Variants in BBS4 observed in about 807,000 individuals in gnomAD.
BBS4 encodes the protein BBSome complex member BBS4.
Under a neutral mutation model 71.4 loss-of-function variants are expected in BBS4, and 58 were observed. That is an observed-to-expected ratio of 0.81 (90% CI 0.66 to 1.01). The LOEUF is 1.01. Among genes scored for constraint, BBS4 ranks in the 50% least tolerant of loss-of-function variants. The pLI, the probability that BBS4 is intolerant of heterozygous loss-of-function variation, is 0.00. For synonymous variants in BBS4, 228 were observed against 216.8 expected, an observed-to-expected ratio of 1.05 and a Z score of -0.46; for missense variants, 660 against 607.9, an observed-to-expected ratio of 1.09 and a Z score of -0.90.
intron 3 of BBS4, among the ~76,000 whole-genome samples, chr15:72,710,407 G>A (rs1378423431): frequency 2.6e-5 from 4 of 151,836 alleles, no homozygotes; most frequent in Non-Finnish European, 5.9e-5. Flanking sequence ...TCACCATATT[G>A]GCCAGGCTGG....
At chr15:72,737,063 A>T (rs1174093069) in intron 15 of BBS4, 100 bp downstream of exon 15, 21 of 1,390,792 alleles carry the variant, frequency 1.5e-5, no homozygotes, top group Non-Finnish European at 1.8e-5. Flanking sequence ...TCAGACTCAT[A>T]TGTCCAACGT....
At chr15:72,722,657 TA>T (rs1231533282) in intron 6 of BBS4, 136 bp from the exon 7 acceptor site, 5 of 735,560 alleles carry the variant, frequency 6.8e-6, no homozygotes, top group Non-Finnish European at 1.2e-5. Context: ...TGAACTCTAA[TA>T]AAAAGCTGAC....
chr15:72,736,792 G>A lies in BBS4; in HGVS notation c.1279G>A (p.Ala427Thr), dbSNP rs1392894435. ...MVEMAQKLGA[A>T]LQVGEALVWT... is the part of the protein sequence containing the mutation. ...GGAGATGGCTCAGAAGTTGGGAGCT[G>A]CTCTCCAGGTTGGGGAGGCACTGGT... Residue 427 changes from alanine to threonine, a missense_variant, in exon 15 of 16, where the codon GCT (alanine) becomes ACT (threonine). By Grantham distance (58) the Ala-to-Thr change is moderately conservative (BLOSUM62 0). Coordinates refer to ENST00000268057, the MANE Select transcript of BBS4 (RefSeq NM_033028.5). 6.2e-7 allele frequency: 1 copy of A among 1,614,192 alleles called. No individual in the cohort carries two copies. Among genetic ancestry groups the A allele is most frequent in the East Asian group, 2.2e-5 (1 of 44,878 alleles).
chr15:72,738,031 A>G lies in BBS4; in HGVS notation c.*444A>G, dbSNP rs772565216. 4.4e-6 allele frequency: 2 copies of G among 454,224 alleles called. No homozygotes were observed. The highest frequency in any genetic ancestry group is 2.3e-5 in the Admixed American group (1 of 42,586). The allele number at this position is 454,224 out of a possible 1,614,324, so 28.1% of individuals were successfully genotyped here. ...AGGTGATCCTCAGGTTGTGAGGTTT[A>G]TTAGTCCCCAAGGCAAACACAAATA... On this transcript the variant is annotated 3_prime_UTR_variant, in exon 16 of 16. Coordinates refer to ENST00000268057, the MANE Select transcript of BBS4 (RefSeq NM_033028.5).
chr15:72,705,183 A>G lies in BBS4; in HGVS notation c.77-4517A>G, dbSNP rs111438032. 7.5e-3 allele frequency among the ~76,000 whole-genome samples: 1,140 copies of G among 152,246 alleles called. 11 individuals carry two copies. The highest frequency in any genetic ancestry group is 0.024 in the African/African-American group (1,003 of 41,536). ...TGTGTGGTAGTAGCCCCTGCCCTCA[A>G]TTATAAACTCCATGAAATCAGGGAG... On this transcript the variant is annotated intron_variant, in intron 2 of 15. Coordinates refer to ENST00000268057, the MANE Select transcript of BBS4 (RefSeq NM_033028.5).
At chr15:72,709,564 A>G (rs1237685525) in intron 2 of BBS4, 136 bp from the exon 3 acceptor site, 7 of 712,882 alleles carry the variant, frequency 9.8e-6, no homozygotes, top group Middle Eastern at 3.8e-4. Context: ...GCACTATAAT[A>G]TATTATTGTA....
intron 1 of BBS4, among the ~76,000 whole-genome samples, chr15:72,693,846 T>C (rs79460572): frequency 0.094 from 14,319 of 152,174 alleles, 774 homozygotes; most frequent in Non-Finnish European, 0.12. Context: ...TTTTTAATTG[T>C]TGAAGAGCCA....
intron 8 of BBS4, among the ~76,000 whole-genome samples, chr15:72,726,098 T>C (rs1344253469): frequency 6.9e-6 from 1 of 145,798 alleles, no homozygotes; most frequent in Non-Finnish European, 1.5e-5. Flanking sequence ...TTTCTTCCTT[T>C]CTTCCTTCCT....
chr15:72,723,526 T>C (rs1336445945), intron 7 of BBS4, among the ~76,000 whole-genome samples: 9 of 152,214 alleles, frequency 5.9e-5, no homozygotes, highest in Non-Finnish European at 1.3e-4. Context: ...TGTGAAGTTT[T>C]ATTCTCCTTT....
At position 72,727,969 on chromosome 15, in the gene BBS4, C is replaced by A. The variant is rs866794851; in HGVS notation, c.617C>A (p.Thr206Lys). 2 of 1,612,566 alleles carry A rather than the reference C, an allele frequency of 1.2e-6. No individual in the cohort carries two copies. Among genetic ancestry groups the A allele is most frequent in the African/African-American group, 2.7e-5 (2 of 75,010 alleles). The part of the protein sequence containing the change: ...EFSPENTELL[T>K]TLGLLYLQLG... ...TCACCAGAAAATACAGAGCTTCTTA[C>A]AACTTTAGGATTACTCTACTTACAG... The change falls in exon 9 of 16, where the codon ACA (threonine) becomes AAA (lysine). Residue 206 changes from threonine to lysine, a missense_variant. Transcript: ENST00000268057.
At chr15:72,712,374 A>G in intron 4 of BBS4, 67 bp downstream of exon 4, 1 of 1,449,656 alleles carries the variant, frequency 6.9e-7, no homozygotes, top group South Asian at 1.2e-5. Context: ...GAAAAAGATC[A>G]GGCAATTGAA....
At chr15:72,689,874 G>A (rs1379793638) in intron 1 of BBS4, among the ~76,000 whole-genome samples, 3 of 151,842 alleles carry the variant, frequency 2.0e-5, no homozygotes, top group Non-Finnish European at 2.9e-5. Flanking sequence ...GCAGTGGCGC[G>A]ATCTCGGCTC....
chr15:72,695,281 T>C, intron 2 of BBS4, 53 bp downstream of exon 2: 1 of 1,229,070 alleles, frequency 8.1e-7, no homozygotes, highest in Non-Finnish European at 1.2e-6. Flanking sequence ...GATTTCTCTT[T>C]TATTTATTTA....
At chr15:72,699,673 T>A (rs2065136842) in intron 2 of BBS4, among the ~76,000 whole-genome samples, 1 of 152,222 alleles carries the variant, frequency 6.6e-6, no homozygotes, top group African/African-American at 2.4e-5. Context: ...TTTCTGCCTG[T>A]ATAAATTGAT....
At chr15:72,722,580 G>A (rs2065596973) in intron 6 of BBS4, among the ~76,000 whole-genome samples, 1 of 152,138 alleles carries the variant, frequency 6.6e-6, no homozygotes, top group African/African-American at 2.4e-5. Context: ...TGTTTATTCT[G>A]CTTTTATTTC....
intron 1 of BBS4, among the ~76,000 whole-genome samples, chr15:72,691,294 T>G (rs1395506754): frequency 6.6e-6 from 1 of 152,156 alleles, no homozygotes; most frequent in Admixed American, 6.5e-5. Flanking sequence ...ATATCCTACC[T>G]GTAAAAGAGT....
In BBS4 at chr15:72,727,978, G is replaced by A. The variant is rs372822977; in HGVS notation, c.626G>A (p.Gly209Glu). The change falls in exon 9 of 16, where the codon GGA (glycine) becomes GAA (glutamate). Residue 209 changes from glycine to glutamate, a missense_variant. Transcript: ENST00000268057. ...AATACAGAGCTTCTTACAACTTTAG[G>A]ATTACTCTACTTACAGGTAATGAAA... Reference protein sequence around the residue: ...PENTELLTTLGLLYLQLGIYQ... With the variant: ...PENTELLTTLELLYLQLGIYQ... The A allele has an allele frequency of 2.5e-6, 4 of 1,612,030 alleles. No homozygotes were observed. The African/African-American group carries it at 5.3e-5, about 22-fold the overall frequency.
At chr15:72,725,662 C>T (rs554752822) in intron 8 of BBS4, among the ~76,000 whole-genome samples, 1 of 147,956 alleles carries the variant, frequency 6.8e-6, no homozygotes, top group Admixed American at 6.8e-5. Flanking sequence ...ATCTTTTTTC[C>T]CCCTTCCCCA....
chr15:72,729,730 C>T (rs1401874885), intron 10 of BBS4, 46 bp downstream of exon 10: 2 of 1,525,904 alleles, frequency 1.3e-6, no homozygotes, highest in Admixed American at 1.7e-5. Context: ...GACGGTCCCA[C>T]TGCTCCTAGA....
Sources: gnomAD v4.1 joint callset for allele counts (sites outside exome capture counted in the v4.1 genomes callset) on GRCh38, gnomAD v4.1.1 for gene constraint, MANE v1.5 for transcripts, NCBI Gene and HGNC (gene_info 2026-07-23, HGNC 2026-07-21) for gene names.